The following ECPAS variants were observed in gnomAD, a reference collection of about 807,000 sequenced individuals.
The protein encoded by ECPAS is proteasome adapter and scaffold protein ECM29.
ECPAS carries 70 observed loss-of-function variants against 255.1 expected under a neutral mutation model. The observed-to-expected ratio is 0.27, with a 90% CI of 0.23 to 0.33. The LOEUF is 0.33. Among genes scored for constraint, ECPAS ranks in the 10% least tolerant of loss-of-function variants. The pLI, the probability that ECPAS is intolerant of heterozygous loss-of-function variation, is 1.00. For synonymous variants in ECPAS, 784 were observed against 775.0 expected (o/e 1.01, Z -0.19); for missense variants, 1,817 against 2,206.4 (o/e 0.82, Z 3.54).
intron 2 of ECPAS, among the ~76,000 whole-genome samples, chr9:111,458,377 G>A (rs961457158): frequency 4.6e-5 from 7 of 152,092 alleles, no homozygotes; most frequent in Non-Finnish European, 1.0e-4. Context: ...AAGAATTTAG[G>A]TGACCTCTGT....
Position 111,370,522 on chromosome 9 carries a change from T to C in ECPAS, c.4887A>G (p.Ala1629=), listed in dbSNP as rs1396196596. ...SKENVKYKIV[A]ISCAADILKA... ...TCAAGATATCAGCTGCACAGCTGAT[T>C]GCTACAATCTTGTATTTGACATTCT... The change falls in exon 45 of 50, where the codon GCA becomes GCG. Residue 1629 remains alanine, a synonymous_variant. Coordinates refer to ENST00000684092, the MANE Select transcript of ECPAS (RefSeq NM_001364929.1). The C allele has an allele frequency of 6.2e-7, 1 of 1,610,858 alleles. No individual in the cohort carries two copies. The highest frequency in any genetic ancestry group is 8.5e-7 in the Non-Finnish European group (1 of 1,178,174).
intron 2 of ECPAS, among the ~76,000 whole-genome samples, chr9:111,459,313 A>C (rs1256883529): frequency 6.6e-6 from 1 of 151,164 alleles, no homozygotes; most frequent in African/African-American, 2.4e-5. Flanking sequence ...CTGCTTGTGA[A>C]CTCCTGGCCT....
At chr9:111,434,734 C>T (rs2098235245) in intron 7 of ECPAS, among the ~76,000 whole-genome samples, 1 of 151,688 alleles carries the variant, frequency 6.6e-6, no homozygotes, top group Non-Finnish European at 1.5e-5. Flanking sequence ...GGGCTACAGG[C>T]ACACACACCG....
intron 24 of ECPAS, among the ~76,000 whole-genome samples, chr9:111,399,438 A>C (rs1333559001): frequency 1.3e-5 from 2 of 152,196 alleles, no homozygotes; most frequent in African/African-American, 4.8e-5. Flanking sequence ...TGCTTGGGTG[A>C]AGCAGAGCAA....
chr9:111,408,026 G>A (rs576267597), intron 24 of ECPAS, among the ~76,000 whole-genome samples: 10 of 152,278 alleles, frequency 6.6e-5, no homozygotes, highest in East Asian at 1.9e-4. Flanking sequence ...GGAAGTAGGC[G>A]GCTTTCAAAA....
intron 31 of ECPAS, among the ~76,000 whole-genome samples, chr9:111,388,773 G>A (rs961120166): frequency 6.6e-6 from 1 of 152,182 alleles, no homozygotes; most frequent in African/African-American, 2.4e-5. Context: ...TTTGCTACTA[G>A]ATTCAATTGG....
chr9:111,368,680 C>A (rs939622265), intron 46 of ECPAS, among the ~76,000 whole-genome samples: 1 of 152,166 alleles, frequency 6.6e-6, no homozygotes, highest in Non-Finnish European at 1.5e-5. Flanking sequence ...CACGTGAAGA[C>A]ACAGGGAGAA....
chr9:111,421,519 A>G (rs560911904), intron 15 of ECPAS, among the ~76,000 whole-genome samples: 3 of 151,976 alleles, frequency 2.0e-5, no homozygotes, highest in East Asian at 1.9e-4. Context: ...AAGAGCATGT[A>G]TGATAGTACT....
intron 2 of ECPAS, among the ~76,000 whole-genome samples, chr9:111,472,440 C>T (rs1261408819): frequency 6.6e-6 from 1 of 151,982 alleles, no homozygotes; most frequent in East Asian, 1.9e-4. Flanking sequence ...CCCAGGAGTT[C>T]GAGACCAGCC....
Position 111,361,418 on chromosome 9 carries a change from A to T in ECPAS, c.*612T>A, listed in dbSNP as rs570646144. On this transcript the variant is annotated 3_prime_UTR_variant, in exon 50 of 50. Transcript: ENST00000684092. ...TCTGGCTTTCAGAAACCCAATGGTA[A>T]GGGTCAGTTTAGTTCTGGCACAAAG... 1 of 152,374 alleles carries T rather than the reference A, an allele frequency of 6.6e-6. No homozygotes were observed. Among genetic ancestry groups the T allele is most frequent in the Admixed American group, 6.5e-5 (1 of 15,296 alleles). 9.4% of individuals were successfully genotyped at this position (152,374 alleles called of 1,614,324 possible).
chr9:111,388,788 G>A (rs1445548861), intron 31 of ECPAS, among the ~76,000 whole-genome samples: 1 of 152,098 alleles, frequency 6.6e-6, no homozygotes, highest in African/African-American at 2.4e-5. Context: ...AATTGGGGGT[G>A]GTGGTGAGAC....
In ECPAS at chr9:111,484,255, G is replaced by T. The variant is rs1272407265; in HGVS notation, c.-222C>A. The stretch of plus-strand genomic sequence containing the variant: ...TGAGGGGCTGGGCCGAGCGGGCCCG[G>T]GCTGCCCTAGCGGCCGGGGGAAATC... On this transcript the variant is annotated 5_prime_UTR_variant, in exon 1 of 50. Coordinates refer to ENST00000684092, the MANE Select transcript of ECPAS (RefSeq NM_001364929.1). 1.3e-6 allele frequency: 2 copies of T among 1,492,374 alleles called. No homozygotes were observed. Among genetic ancestry groups the T allele is most frequent in the Admixed American group, 2.5e-5 (1 of 40,382 alleles). 92.4% of individuals were successfully genotyped at this position (1,492,374 alleles called of 1,614,324 possible).
chr9:111,474,096 A>C (rs1303365213), intron 1 of ECPAS, among the ~76,000 whole-genome samples: 1 of 152,242 alleles, frequency 6.6e-6, no homozygotes. Context: ...ATCAGGATTC[A>C]AAACTGTCTC....
At chr9:111,422,296 T>C (rs1197807911) in intron 13 of ECPAS, 96 bp from the exon 14 acceptor site, 1 of 1,289,102 alleles carries the variant, frequency 7.8e-7, no homozygotes, top group African/African-American at 1.5e-5. Flanking sequence ...CTGAACTCTC[T>C]GAAGACAATG....
At chr9:111,480,287 C>CAT (rs2098302636) in intron 1 of ECPAS, among the ~76,000 whole-genome samples, 1 of 113,682 alleles carries the variant, frequency 8.8e-6, no homozygotes, top group African/African-American at 3.4e-5. Context: ...TTAAAAGCAC[C>CAT]TTTTCTTTTT....
chr9:111,472,515 G>A (rs899399576), intron 2 of ECPAS, among the ~76,000 whole-genome samples: 9 of 151,678 alleles, frequency 5.9e-5, no homozygotes, highest in African/African-American at 2.2e-4. Flanking sequence ...GCATGCACCT[G>A]TAGTCCCAGC....
chr9:111,433,075 T>G (rs534898871), intron 8 of ECPAS, among the ~76,000 whole-genome samples, 158 bp downstream of exon 8: 2 of 152,238 alleles, frequency 1.3e-5, no homozygotes, highest in Non-Finnish European at 2.9e-5. Flanking sequence ...TACACAGAAT[T>G]CAACTCTTTA....
chr9:111,447,276 T>C (rs1249624893), intron 3 of ECPAS, among the ~76,000 whole-genome samples: 2 of 152,076 alleles, frequency 1.3e-5, no homozygotes, highest in South Asian at 2.1e-4. Context: ...AAGCACATGC[T>C]ACCATGCATG....
intron 10 of ECPAS, 114 bp from the exon 11 acceptor site, chr9:111,425,942 A>C (rs2131819671): frequency 1.8e-6 from 1 of 549,660 alleles, no homozygotes; most frequent in Non-Finnish European, 3.2e-6. Context: ...GTTCTTCAAC[A>C]TTAATGCAGA....
Sources: allele counts gnomAD v4.1 joint callset (sites outside exome capture counted in the v4.1 genomes callset), GRCh38; gene constraint gnomAD v4.1.1; transcripts MANE v1.5; gene names NCBI Gene and HGNC (gene_info 2026-07-23, HGNC 2026-07-21).